The following B3GALT1 variants were observed in gnomAD, a reference collection of about 807,000 sequenced individuals.
B3GALT1 encodes the protein beta-1,3-galactosyltransferase 1.
B3GALT1 carries 10 observed loss-of-function variants against 23.2 expected under a neutral mutation model. The ratio of observed to expected loss-of-function variants is 0.43; its 90% confidence interval spans 0.27 to 0.73. The LOEUF (loss-of-function observed/expected upper bound fraction) is 0.73. Among genes scored for constraint, B3GALT1 ranks in the 30% least tolerant of loss-of-function variants. B3GALT1 has a pLI of 0.21. For missense variants in B3GALT1, 299 were observed against 405.4 expected, an observed-to-expected ratio of 0.74 and a Z score of 2.25; for synonymous variants, 156 against 141.5, an observed-to-expected ratio of 1.10 and a Z score of -0.73.
intron 3 of B3GALT1, among the ~76,000 whole-genome samples, chr2:167,791,275 G>T (rs1230683209): frequency 6.6e-6 from 1 of 152,098 alleles, no homozygotes; most frequent in Non-Finnish European, 1.5e-5. Flanking sequence ...TTGACCAGTA[G>T]ACTATCTTGC....
At chr2:167,374,348 G>A (rs1039620997) in intron 1 of B3GALT1, among the ~76,000 whole-genome samples, 1 of 152,168 alleles carries the variant, frequency 6.6e-6, no homozygotes, top group African/African-American at 2.4e-5. Context: ...CTTTTTGGTA[G>A]AATGATTTGT....
intron 3 of B3GALT1, among the ~76,000 whole-genome samples, chr2:167,688,933 C>T (rs1167025966): frequency 4.6e-5 from 7 of 152,032 alleles, no homozygotes; most frequent in Admixed American, 2.6e-4. Flanking sequence ...TATGTGTGTA[C>T]ATGTGCACAC....
At chr2:167,368,608 T>TAGG (rs1211467928) in intron 1 of B3GALT1, among the ~76,000 whole-genome samples, 2 of 152,196 alleles carry the variant, frequency 1.3e-5, no homozygotes, top group Admixed American at 6.5e-5. Flanking sequence ...TAGTTTTGCG[T>TAGG]AGGTCTGGTA....
chr2:167,398,775 C>G (rs1698140271), intron 1 of B3GALT1, among the ~76,000 whole-genome samples: 1 of 152,102 alleles, frequency 6.6e-6, no homozygotes, highest in South Asian at 2.1e-4. Context: ...CTTAGGTGCC[C>G]ACTATATATC....
chr2:167,623,716 C>T (rs1384049746), intron 2 of B3GALT1, among the ~76,000 whole-genome samples: 1 of 151,972 alleles, frequency 6.6e-6, no homozygotes, highest in East Asian at 1.9e-4. Context: ...CAAACCTGCA[C>T]GTTCTGTGCA....
chr2:167,563,238 GC>G (rs953954041), intron 2 of B3GALT1, among the ~76,000 whole-genome samples: 1 of 133,904 alleles, frequency 7.5e-6, no homozygotes, highest in Non-Finnish European at 1.5e-5. Flanking sequence ...GGGCAGAGGC[GC>G]CCCCCACCTC....
intron 2 of B3GALT1, among the ~76,000 whole-genome samples, chr2:167,646,695 G>T (rs1439337125): frequency 2.0e-5 from 3 of 152,180 alleles, no homozygotes; most frequent in Middle Eastern, 3.4e-3. Context: ...ACTCCCCCTT[G>T]TGAGAAGAAA....
intron 1 of B3GALT1, among the ~76,000 whole-genome samples, chr2:167,482,535 T>C (rs1403420149): frequency 1.3e-5 from 2 of 152,188 alleles, no homozygotes; most frequent in African/African-American, 4.8e-5. Context: ...ATATACCGTG[T>C]CTTTAAGACA....
intron 2 of B3GALT1, among the ~76,000 whole-genome samples, chr2:167,625,455 C>T (rs949537356): frequency 3.3e-5 from 5 of 151,694 alleles, no homozygotes; most frequent in African/African-American, 1.2e-4. Context: ...GCAATACAAA[C>T]AGGTATGTGT....
chr2:167,622,806 T>C (rs1685281477), intron 2 of B3GALT1, among the ~76,000 whole-genome samples: 1 of 152,090 alleles, frequency 6.6e-6, no homozygotes, highest in Non-Finnish European at 1.5e-5. Context: ...CTGATGACAT[T>C]CTAAGGTATC....
chr2:167,659,163 A>C (rs1686012972), intron 3 of B3GALT1, among the ~76,000 whole-genome samples: 1 of 152,154 alleles, frequency 6.6e-6, no homozygotes, highest in Admixed American at 6.6e-5. Context: ...CAAGATATAG[A>C]TACCTGAACA....
rs186411403 is a variant in B3GALT1 at position 167,703,960 on chromosome 2, T to G, written c.-352+56994T>G. 1.1e-4 allele frequency among the ~76,000 whole-genome samples: 16 copies of G among 152,104 alleles called. No homozygotes were observed. In the East Asian group the frequency reaches 2.7e-3, roughly 26 times the overall value. The stretch of plus-strand genomic sequence containing the variant: ...ACTTTGGGAGGCCAAGGCGGGCGGA[T>G]CACGAGGTCAGGAGATCAAGACCTT... On this transcript the variant is annotated intron_variant, in intron 3 of 4. Coordinates refer to ENST00000392690, the MANE Select transcript of B3GALT1 (RefSeq NM_020981.4).
At chr2:167,591,855 TC>T (rs1355423616) in intron 2 of B3GALT1, among the ~76,000 whole-genome samples, 2 of 152,090 alleles carry the variant, frequency 1.3e-5, no homozygotes, top group Non-Finnish European at 2.9e-5. Context: ...CAGAGGCATA[TC>T]CACCAGTAGG....
rs1000704030 is a variant in B3GALT1, at chr2:167,501,247, T to C, written c.-410+10970T>C. Among the ~76,000 whole-genome samples, 4 of 152,068 alleles carry C rather than the reference T, an allele frequency of 2.6e-5. No individual in the cohort carries two copies. The East Asian group carries it at 7.7e-4, about 29-fold the overall frequency. On this transcript the variant is annotated intron_variant, in intron 2 of 4. Transcript: ENST00000392690. ...TCCTAATTGATTTTTATTAGTATGATTGGGGCAAAATTTGTTTTTTTCTTT... is the reference window on the plus strand; with the variant it reads ...TCCTAATTGATTTTTATTAGTATGACTGGGGCAAAATTTGTTTTTTTCTTT...
chr2:167,517,480 G>A (rs1316911260), intron 2 of B3GALT1, among the ~76,000 whole-genome samples: 1 of 151,990 alleles, frequency 6.6e-6, no homozygotes, highest in Admixed American at 6.6e-5. Flanking sequence ...TAGCCAGTTA[G>A]TATACTGCCC....
chr2:167,387,672 T>C (rs1416983059), intron 1 of B3GALT1, among the ~76,000 whole-genome samples: 3 of 152,228 alleles, frequency 2.0e-5, no homozygotes, highest in Non-Finnish European at 4.4e-5. Flanking sequence ...TAAATACACC[T>C]ATTTACTAGT....
At chr2:167,628,934 C>T (rs1436145419) in intron 2 of B3GALT1, among the ~76,000 whole-genome samples, 1 of 151,572 alleles carries the variant, frequency 6.6e-6, no homozygotes, top group African/African-American at 2.4e-5. Flanking sequence ...AAGTTACTTG[C>T]ATAGGGCACA....
At chr2:167,838,392 C>T (rs944743859) in intron 4 of B3GALT1, among the ~76,000 whole-genome samples, 1 of 152,288 alleles carries the variant, frequency 6.6e-6, no homozygotes, top group Non-Finnish European at 1.5e-5. Context: ...GAGAATACTA[C>T]AAACACCTCT....
intron 1 of B3GALT1, among the ~76,000 whole-genome samples, chr2:167,481,367 T>C (rs1699561838): frequency 6.6e-6 from 1 of 152,226 alleles, no homozygotes; most frequent in South Asian, 2.1e-4. Flanking sequence ...TAAGTTTAGC[T>C]TATCTCCATA....
Sources: allele counts gnomAD v4.1 joint callset (sites outside exome capture counted in the v4.1 genomes callset), GRCh38; gene constraint gnomAD v4.1.1; transcripts MANE v1.5; gene names NCBI Gene and HGNC (gene_info 2026-07-23, HGNC 2026-07-21).